NAV3: variants seen among roughly 807,000 people sequenced by gnomAD.
The protein encoded by NAV3 is neuron navigator 3.
NAV3 carries 87 observed loss-of-function variants against 244.7 expected under a neutral mutation model. The ratio of observed to expected loss-of-function variants is 0.36; its 90% confidence interval spans 0.30 to 0.42. The LOEUF (loss-of-function observed/expected upper bound fraction) is 0.42, where lower values mean the gene tolerates loss of function less well. NAV3 is among the 20% of genes least tolerant of loss of function. The pLI, the probability that NAV3 is intolerant of heterozygous loss-of-function variation, is 1.00. For missense variants in NAV3, 2,663 were observed against 2,893.3 expected (o/e 0.92, Z 1.83); for synonymous variants, 1,126 against 1,042.2 (o/e 1.08, Z -1.55).
At position 78,138,774 on chromosome 12, in the gene NAV3, CA is replaced by C. The variant is rs557527651; in HGVS notation, c.4630+1411del. On this transcript the variant is annotated intron_variant, in intron 19 of 39. Transcript: ENST00000397909. ...TTATATACTGGGAAATTCTGGCCTT[CA>C]ATGTATCAGGATTAAATAATCTGAA... Among the ~76,000 whole-genome samples the C allele has an allele frequency of 2.4e-4, 36 of 152,246 alleles. No individual in the cohort carries two copies. The South Asian group carries it at 7.2e-3, about 31-fold the overall frequency.
At chr12:77,821,081 A>C (rs1453704499) in intron 2 of NAV3, among the ~76,000 whole-genome samples, 2 of 105,328 alleles carry the variant, frequency 1.9e-5, no homozygotes, top group Non-Finnish European at 4.4e-5. Context: ...ACACACACAC[A>C]TGTTCGCACA....
intron 22 of NAV3, among the ~76,000 whole-genome samples, 166 bp from the exon 23 acceptor site, chr12:78,159,037 T>G (rs887692245): frequency 3.3e-5 from 5 of 152,126 alleles, no homozygotes; most frequent in African/African-American, 1.2e-4. Flanking sequence ...AAAAGATGAA[T>G]GAAAATGTGT....
intron 12 of NAV3, among the ~76,000 whole-genome samples, chr12:78,103,224 C>G (rs1386394913): frequency 6.6e-6 from 1 of 152,200 alleles, no homozygotes; most frequent in African/African-American, 2.4e-5. Flanking sequence ...CCTAAATCAT[C>G]TCTCTCAAGT....
At chr12:77,617,273 G>A (rs529845674) in intron 2 of NAV3, among the ~76,000 whole-genome samples, 3 of 152,282 alleles carry the variant, frequency 2.0e-5, no homozygotes, top group Non-Finnish European at 2.9e-5. Flanking sequence ...CCACCATCTG[G>A]TGTTCTTGCC....
At chr12:77,965,285 TA>T (rs1453010093) in intron 3 of NAV3, among the ~76,000 whole-genome samples, 1 of 152,198 alleles carries the variant, frequency 6.6e-6, no homozygotes, top group African/African-American at 2.4e-5. Context: ...CTTTTCACCC[TA>T]AATGAATATA....
At chr12:77,621,477 CTTT>C (rs1217567447) in intron 2 of NAV3, among the ~76,000 whole-genome samples, 14 of 135,008 alleles carry the variant, frequency 1.0e-4, no homozygotes, top group Non-Finnish European at 1.6e-4. Flanking sequence ...TTTCTCTTCT[CTTT>C]TTTTTTTTTT....
intron 20 of NAV3, among the ~76,000 whole-genome samples, chr12:78,141,069 G>A (rs446271): frequency 0.053 from 8,042 of 151,708 alleles, 274 homozygotes; most frequent in Non-Finnish European, 0.072. Flanking sequence ...TTTTTAAATT[G>A]TTTTAGAGAC....
chr12:77,999,093 C>G (rs991309271), intron 7 of NAV3, among the ~76,000 whole-genome samples: 1 of 152,150 alleles, frequency 6.6e-6, no homozygotes, highest in African/African-American at 2.4e-5. Context: ...ATAAGCCACA[C>G]AGTTCTCTGT....
At chr12:78,080,322 C>T (rs548499505) in intron 12 of NAV3, among the ~76,000 whole-genome samples, 1 of 152,242 alleles carries the variant, frequency 6.6e-6, no homozygotes, top group South Asian at 2.1e-4. Flanking sequence ...CTCTCGTTTT[C>T]CAAAGATCAT....
chr12:77,917,861 AT>A lies in NAV3; in HGVS notation c.244-22456del, dbSNP rs1887311230. Reference sequence around the variant, plus strand: ...TTAAAATACCTAGAAAGGTTTCTATATTCTTGACTAGACGCTGACTCATACA... The same window carrying A: ...TTAAAATACCTAGAAAGGTTTCTATATCTTGACTAGACGCTGACTCATACA... On this transcript the variant is annotated intron_variant, in intron 1 of 39. Transcript: ENST00000397909. Among the ~76,000 whole-genome samples the A allele has an allele frequency of 5.3e-5, 8 of 152,166 alleles. No individual in the cohort carries two copies. In the South Asian group the frequency reaches 1.7e-3, roughly 32 times the overall value.
rs1566013199 is a variant in NAV3 at position 78,007,315 on chromosome 12, CCTT to C, written c.1780_1782del (p.Ser594del). ...AGGAAGGGAAGCTGGCCAAGCTTCT[CCTT>C]CTGGTTCCTGTACCATGACAGTGGC... On this transcript the variant is annotated inframe_deletion, in exon 8 of 40. Coordinates refer to ENST00000397909, the MANE Select transcript of NAV3 (RefSeq NM_001024383.2). 6.2e-7 allele frequency: 1 copy of C among 1,614,066 alleles called. No homozygotes were observed. The highest frequency in any genetic ancestry group is 1.3e-5 in the African/African-American group (1 of 74,922).
At chr12:77,991,309 C>T (rs1871402038) in intron 5 of NAV3, among the ~76,000 whole-genome samples, 1 of 152,070 alleles carries the variant, frequency 6.6e-6, no homozygotes, top group South Asian at 2.1e-4. Context: ...CCGATGTGAG[C>T]CACTGCGCCC....
chr12:78,135,653 C>T (rs1347535169), intron 18 of NAV3, among the ~76,000 whole-genome samples: 1 of 152,146 alleles, frequency 6.6e-6, no homozygotes, highest in Non-Finnish European at 1.5e-5. Context: ...AATAGGGTGA[C>T]TTACCCCAAT....
rs2136587448 is a variant in NAV3, at chr12:78,007,122, A to G, written c.1584A>G (p.Pro528=). The G allele has an allele frequency of 6.2e-7, 1 of 1,614,124 alleles. No individual in the cohort carries two copies. The highest frequency in any genetic ancestry group is 8.5e-7 in the Non-Finnish European group (1 of 1,180,028). ...ESLIPSSSGI[P]KPGSKVPTVK... ...TAATTCCGTCTTCCAGTGGTATTCC[A>G]AAACCAGGCTCTAAAGTTCCAACAG... The change falls in exon 8 of 40, where the codon CCA becomes CCG. Residue 528 remains proline, a synonymous_variant. Coordinates refer to ENST00000397909, the MANE Select transcript of NAV3 (RefSeq NM_001024383.2).
chr12:77,807,425 T>G (rs1872039546), intron 2 of NAV3, among the ~76,000 whole-genome samples: 1 of 152,232 alleles, frequency 6.6e-6, no homozygotes. Context: ...CATTTCTCCT[T>G]TGCTTATGAA....
intron 8 of NAV3, among the ~76,000 whole-genome samples, chr12:78,016,501 T>G (rs1262434166): frequency 6.6e-6 from 1 of 152,156 alleles, no homozygotes; most frequent in Non-Finnish European, 1.5e-5. Flanking sequence ...AAATCTTCCA[T>G]CCACACTAGA....
chr12:78,015,436 A>G (rs1876029972), intron 8 of NAV3, among the ~76,000 whole-genome samples: 1 of 152,020 alleles, frequency 6.6e-6, no homozygotes, highest in Non-Finnish European at 1.5e-5. Flanking sequence ...CATTTTACAT[A>G]ATGTTTCTAA....
chr12:77,656,655 A>T (rs1873120504), intron 2 of NAV3, among the ~76,000 whole-genome samples: 1 of 139,374 alleles, frequency 7.2e-6, no homozygotes, highest in Non-Finnish European at 1.5e-5. Context: ...CAGAATATAC[A>T]TTTTTTTCAG....
chr12:78,174,862 T>C (rs1565760239), intron 24 of NAV3, among the ~76,000 whole-genome samples: 1 of 152,026 alleles, frequency 6.6e-6, no homozygotes. Context: ...TTCTATGAAA[T>C]GGAAAGTTAA....
Sources: gnomAD v4.1 joint callset for allele counts (sites outside exome capture counted in the v4.1 genomes callset) on GRCh38, gnomAD v4.1.1 for gene constraint, MANE v1.5 for transcripts, NCBI Gene and HGNC (gene_info 2026-07-23, HGNC 2026-07-21) for gene names.